The following MAP3K5 variants were observed in gnomAD, a reference collection of about 807,000 sequenced individuals.
MAP3K5 encodes mitogen-activated protein kinase kinase kinase 5.
Under a neutral mutation model 158.7 loss-of-function variants are expected in MAP3K5, and 56 were observed. That is an observed-to-expected ratio of 0.35 (90% CI 0.28 to 0.44). The LOEUF (loss-of-function observed/expected upper bound fraction) is 0.44. Ranked by LOEUF, MAP3K5 falls within the 20% of genes least tolerant of loss-of-function variation. The pLI, the probability that MAP3K5 is intolerant of heterozygous loss-of-function variation, is 1.00. For synonymous variants in MAP3K5, 579 were observed against 601.7 expected (o/e 0.96, Z 0.55); for missense variants, 1,294 against 1,674.8 (o/e 0.77, Z 3.97).
At chr6:136,673,368 G>GC in intron 7 of MAP3K5, among the ~76,000 whole-genome samples, 1 of 152,262 alleles carries the variant, frequency 6.6e-6, no homozygotes, top group East Asian at 1.9e-4. Context: ...TACGAGACAT[G>GC]CAAAGAGCCA....
intron 2 of MAP3K5, among the ~76,000 whole-genome samples, chr6:136,709,053 G>C (rs905734024): frequency 6.6e-6 from 1 of 152,134 alleles, no homozygotes; most frequent in Non-Finnish European, 1.5e-5. Context: ...GTCTTTATCT[G>C]TGTTGTCATT....
chr6:136,707,053 G>T (rs13220592), intron 2 of MAP3K5, among the ~76,000 whole-genome samples: 71,974 of 151,896 alleles, frequency 0.47, 17,312 homozygotes, highest in South Asian at 0.61. Context: ...TACTTGGAAG[G>T]CTGGGGCAGG....
intron 1 of MAP3K5, among the ~76,000 whole-genome samples, chr6:136,737,534 G>C (rs1014516969): frequency 6.6e-6 from 1 of 152,228 alleles, no homozygotes; most frequent in Non-Finnish European, 1.5e-5. Context: ...CCCCCGCCAT[G>C]TATCACATAC....
In MAP3K5 at chr6:136,613,292, T is replaced by C. The variant is rs1486895104; in HGVS notation, c.2279-36A>G. On this transcript the variant is annotated intron_variant, in intron 16 of 29. Coordinates refer to ENST00000359015, the MANE Select transcript of MAP3K5 (RefSeq NM_005923.4). This position sits in a 1 kb window ranked among gnomAD's most constrained non-coding sequence, Gnocchi z 4.0. ...GGGATAAATAGTAAATAAATCCTCA[T>C]TCAAATGAGCTCTTTAAAGTGTATT... 6.3e-7 allele frequency: 1 copy of C among 1,583,680 alleles called. No homozygotes were observed. Among genetic ancestry groups the C allele is most frequent in the Admixed American group, 1.7e-5 (1 of 57,264 alleles).
At chr6:136,614,483 G>C (rs1776475823) in intron 15 of MAP3K5, among the ~76,000 whole-genome samples, 197 bp from the exon 16 acceptor site, 1 of 152,172 alleles carries the variant, frequency 6.6e-6, no homozygotes, top group Admixed American at 6.5e-5. Flanking sequence ...AAATGTGTCA[G>C]GTACTAAGCC....
intron 23 of MAP3K5, 128 bp downstream of exon 23, chr6:136,592,045 G>A: frequency 5.8e-6 from 4 of 684,728 alleles, no homozygotes; most frequent in Non-Finnish European, 9.2e-6. Context: ...TTCCTGTGGG[G>A]TAGGTTTATC....
chr6:136,729,425 A>C (rs1267392817), intron 1 of MAP3K5, among the ~76,000 whole-genome samples: 1 of 152,248 alleles, frequency 6.6e-6, no homozygotes, highest in Non-Finnish European at 1.5e-5. Context: ...TATAAGGATT[A>C]CATGTGTGCT....
intron 23 of MAP3K5, among the ~76,000 whole-genome samples, chr6:136,590,925 T>C (rs1319012169): frequency 1.3e-5 from 2 of 152,186 alleles, no homozygotes; most frequent in Non-Finnish European, 2.9e-5. Flanking sequence ...CCAAATCTCA[T>C]CTTGAATTGT....
chr6:136,706,854 A>G (rs1781096913), intron 2 of MAP3K5, among the ~76,000 whole-genome samples: 1 of 152,202 alleles, frequency 6.6e-6, no homozygotes, highest in African/African-American at 2.4e-5. Flanking sequence ...ATGTACACAA[A>G]ACACTAAAAA....
intron 1 of MAP3K5, among the ~76,000 whole-genome samples, chr6:136,735,659 A>G (rs1782425640): frequency 6.6e-6 from 1 of 152,014 alleles, no homozygotes. Context: ...GTCAGACCCC[A>G]TCTCTATAAA....
chr6:136,662,594 A>G (rs1779053910), intron 8 of MAP3K5, among the ~76,000 whole-genome samples: 1 of 150,246 alleles, frequency 6.7e-6, no homozygotes, highest in Admixed American at 6.6e-5. Flanking sequence ...TCTCTCTCAC[A>G]CCCACACAGA....
intron 1 of MAP3K5, among the ~76,000 whole-genome samples, chr6:136,777,561 T>G (rs941971259): frequency 1.3e-5 from 2 of 152,166 alleles, no homozygotes; most frequent in African/African-American, 4.8e-5. Flanking sequence ...CTAACGCACA[T>G]CAACTGTATG....
At chr6:136,741,146 T>C (rs971128158) in intron 1 of MAP3K5, among the ~76,000 whole-genome samples, 2 of 152,134 alleles carry the variant, frequency 1.3e-5, no homozygotes, top group African/African-American at 4.8e-5. Context: ...AGGCAAATGA[T>C]AAACAATTTA....
At chr6:136,636,930 GGTTCTCTGTGTAGCATA>G in intron 14 of MAP3K5, 1 of 1,004,978 alleles carries the variant, frequency 1.0e-6, no homozygotes, top group Non-Finnish European at 1.2e-6. Context: ...CATGGTTTCA[GGTTCTCTGTGTAGCATA>G]TTAATGCCTG....
chr6:136,792,390 T>C lies in MAP3K5; in HGVS notation c.-233A>G. 2.0e-6 allele frequency: 2 copies of C among 996,322 alleles called. No individual in the cohort carries two copies. Among genetic ancestry groups the C allele is most frequent in the African/African-American group, 1.7e-5 (1 of 57,272 alleles). 61.7% of individuals were successfully genotyped at this position (996,322 alleles called of 1,614,324 possible). A position where few individuals can be genotyped will look rare whatever the true frequency, so the allele number is the denominator to read the frequency against. ...CTCCGTGGCCGCGCCGCTCGCCCTC[T>C]GCAGAGTTTAGAGTACAAGGGGTGG... On this transcript the variant is annotated 5_prime_UTR_variant, in exon 1 of 30. Transcript: ENST00000359015. This position sits in a 1 kb window ranked among gnomAD's most constrained non-coding sequence, Gnocchi z 5.7.
At chr6:136,741,193 C>T (rs1224170247) in intron 1 of MAP3K5, among the ~76,000 whole-genome samples, 1 of 152,008 alleles carries the variant, frequency 6.6e-6, no homozygotes, top group African/African-American at 2.4e-5. Context: ...TATATTTAGT[C>T]CTTAGTAGCA....
chr6:136,784,840 T>C, intron 1 of MAP3K5, among the ~76,000 whole-genome samples: 1 of 152,184 alleles, frequency 6.6e-6, no homozygotes, highest in East Asian at 1.9e-4. Context: ...AACATAAAAC[T>C]TTCCTTTTTA....
intron 1 of MAP3K5, among the ~76,000 whole-genome samples, chr6:136,768,934 GA>G (rs1413350659): frequency 6.6e-6 from 1 of 150,724 alleles, no homozygotes. Context: ...AAAAAAGAAA[GA>G]AAATGGCTTG....
At chr6:136,656,780 C>A (rs1002631110) in intron 9 of MAP3K5, among the ~76,000 whole-genome samples, 1 of 152,148 alleles carries the variant, frequency 6.6e-6, no homozygotes, top group Non-Finnish European at 1.5e-5. Context: ...CACCACCACG[C>A]CTGGCTACGT....
Sources: gnomAD v4.1 joint callset for allele counts (sites outside exome capture counted in the v4.1 genomes callset) on GRCh38, gnomAD v4.1.1 for gene constraint, Gnocchi (gnomAD v3.1) non-coding constraint, MANE v1.5 for transcripts, NCBI Gene and HGNC (gene_info 2026-07-23, HGNC 2026-07-21) for gene names.